Variants in USP37 observed in about 807,000 individuals in gnomAD.
USP37 encodes ubiquitin carboxyl-terminal hydrolase 37.
In USP37, 27 loss-of-function variants were observed where a neutral mutation model predicts 124.0. That is an observed-to-expected ratio of 0.22 (90% CI 0.16 to 0.30). The LOEUF (loss-of-function observed/expected upper bound fraction) is 0.30. Ranked by LOEUF, USP37 falls within the 10% of genes least tolerant of loss-of-function variation. USP37 has a pLI of 1.00. For synonymous variants in USP37, 365 were observed against 388.0 expected (o/e 0.94, Z 0.70); for missense variants, 889 against 1,140.4 (o/e 0.78, Z 3.17).
chr2:218,504,307 C>A (rs1352497371), intron 11 of USP37, among the ~76,000 whole-genome samples: 2 of 152,068 alleles, frequency 1.3e-5, no homozygotes, highest in Non-Finnish European at 2.9e-5. Flanking sequence ...AATTACTGTT[C>A]TACGTATATT....
intron 8 of USP37, among the ~76,000 whole-genome samples, chr2:218,543,369 G>A (rs959533321): frequency 6.6e-6 from 1 of 151,874 alleles, no homozygotes; most frequent in East Asian, 1.9e-4. Context: ...AGGCATGGTG[G>A]TGCACGCCTG....
intron 20 of USP37, 56 bp from the exon 21 acceptor site, chr2:218,466,232 G>C: frequency 6.5e-7 from 1 of 1,528,760 alleles, no homozygotes; most frequent in Non-Finnish European, 8.8e-7. Context: ...GGAAATTTCT[G>C]AACTAGAGTG....
intron 1 of USP37, among the ~76,000 whole-genome samples, chr2:218,566,055 A>G (rs1461320560): frequency 2.6e-5 from 4 of 152,210 alleles, no homozygotes; most frequent in African/African-American, 9.6e-5. Context: ...ATCTCAAAAA[A>G]TAATAATAAC....
intron 8 of USP37, among the ~76,000 whole-genome samples, chr2:218,541,317 C>T (rs76532869): frequency 0.016 from 2,374 of 152,176 alleles, 63 homozygotes; most frequent in African/African-American, 0.054. Context: ...AAAGGAGTTA[C>T]CATACTGGCA....
At chr2:218,509,624 T>C (rs73074889) in intron 11 of USP37, among the ~76,000 whole-genome samples, 1 of 152,232 alleles carries the variant, frequency 6.6e-6, no homozygotes, top group African/African-American at 2.4e-5. Flanking sequence ...TTACTACAGT[T>C]ATTATACTAT....
chr2:218,489,194 C>T (rs1691766796), intron 14 of USP37, among the ~76,000 whole-genome samples: 1 of 149,516 alleles, frequency 6.7e-6, no homozygotes, highest in Non-Finnish European at 1.5e-5. Context: ...CTTGTCTCTA[C>T]AAAAAATACA....
intron 4 of USP37, among the ~76,000 whole-genome samples, chr2:218,556,142 T>G (rs1263123100): frequency 6.6e-6 from 1 of 152,222 alleles, no homozygotes; most frequent in Non-Finnish European, 1.5e-5. Context: ...ACAAGAAACA[T>G]CAATATCTGG....
intron 10 of USP37, among the ~76,000 whole-genome samples, chr2:218,510,580 C>A (rs1324678199): frequency 6.6e-6 from 1 of 152,158 alleles, no homozygotes; most frequent in African/African-American, 2.4e-5. Flanking sequence ...TATTTTCAAT[C>A]TTCATTTTTA....
chr2:218,458,055 GA>G (rs1186657426), intron 23 of USP37, among the ~76,000 whole-genome samples: 1 of 109,894 alleles, frequency 9.1e-6, no homozygotes, highest in Non-Finnish European at 1.9e-5. Flanking sequence ...AAAAAAAAAA[GA>G]AAAGAAAAGA....
chr2:218,526,720 C>G (rs1690985339), intron 10 of USP37, among the ~76,000 whole-genome samples: 1 of 150,254 alleles, frequency 6.7e-6, no homozygotes, highest in African/African-American at 2.5e-5. Flanking sequence ...TCTTTTCTTC[C>G]AGAATACTGT....
At chr2:218,533,442 G>A (rs936511715) in intron 9 of USP37, among the ~76,000 whole-genome samples, 5 of 152,140 alleles carry the variant, frequency 3.3e-5, no homozygotes, top group South Asian at 2.1e-4. Flanking sequence ...AAACATCTAC[G>A]TTTTGTTCCA....
intron 10 of USP37, among the ~76,000 whole-genome samples, chr2:218,525,884 A>G (rs1038397485): frequency 3.3e-5 from 5 of 152,008 alleles, no homozygotes; most frequent in Admixed American, 6.6e-5. Context: ...GTTCTACTCT[A>G]TATGTCCACG....
At chr2:218,549,584 C>T (rs1692552896) in intron 6 of USP37, among the ~76,000 whole-genome samples, 1 of 151,856 alleles carries the variant, frequency 6.6e-6, no homozygotes, top group South Asian at 2.1e-4. Flanking sequence ...CCTGCCTCGG[C>T]CTCCTGAGTA....
intron 20 of USP37, among the ~76,000 whole-genome samples, chr2:218,468,186 G>A (rs533108532): frequency 6.6e-5 from 10 of 151,722 alleles, no homozygotes; most frequent in Admixed American, 2.0e-4. Flanking sequence ...CACCATACCC[G>A]GCAATTTCAT....
In USP37 at chr2:218,553,657, G is replaced by A; in HGVS notation, c.224C>T (p.Thr75Ile). 1 of 1,614,012 alleles carries A rather than the reference G, an allele frequency of 6.2e-7. No individual in the cohort carries two copies. The highest frequency in any genetic ancestry group is 1.1e-5 in the South Asian group (1 of 91,056). ...AGACAAGAAGCTGTTATCTTGCAGA[G>A]TTAACATTAGGCGGCTTTGTTTCGC... ...SGAKQSRLML[T>I]LQDNSFLSID... Residue 75 changes from threonine (T) to isoleucine (I), a missense_variant, in exon 5 of 26, where the codon ACT (threonine) becomes ATT (isoleucine). Physicochemically the swap from Thr to Ile is moderately conservative, Grantham distance 89. This residue lies in a region of USP37 where 374 missense variants were observed against 386.0 expected (regional missense o/e 0.97). Coordinates refer to ENST00000258399, the MANE Select transcript of USP37 (RefSeq NM_020935.3).
chr2:218,520,324 A>G (rs1234538759), intron 10 of USP37, among the ~76,000 whole-genome samples: 1 of 146,184 alleles, frequency 6.8e-6, no homozygotes, highest in Non-Finnish European at 1.5e-5. Context: ...TACCTGACTC[A>G]TATTTAAACC....
chr2:218,479,572 G>T, intron 18 of USP37, 78 bp downstream of exon 18: 1 of 1,154,932 alleles, frequency 8.7e-7, no homozygotes, highest in Non-Finnish European at 1.3e-6. Flanking sequence ...TAATGAAAAG[G>T]CAGGGAGGCA....
At chr2:218,536,708 T>G (rs1483412687) in intron 8 of USP37, among the ~76,000 whole-genome samples, 3 of 152,210 alleles carry the variant, frequency 2.0e-5, no homozygotes, top group East Asian at 3.8e-4. Flanking sequence ...GTAATTCACA[T>G]GCACACTAAT....
rs559872014 is a variant in USP37 at position 218,519,863 on chromosome 2, A to C, written c.864-9723T>G. 5.8e-4 allele frequency among the ~76,000 whole-genome samples: 88 copies of C among 151,712 alleles called. 2 individuals are homozygous for C. The East Asian group carries it at 0.014, about 24-fold the overall frequency. On this transcript the variant is annotated intron_variant, in intron 10 of 25. Coordinates refer to ENST00000258399, the MANE Select transcript of USP37 (RefSeq NM_020935.3). ...CATGATCCACCCACCTGAGGCTCCC[A>C]AAGTGCTGGGATTACAGGCGTGAGC...
Sources: allele counts gnomAD v4.1 joint callset (sites outside exome capture counted in the v4.1 genomes callset), GRCh38; gene constraint gnomAD v4.1.1; regional missense constraint gnomAD v4.1.1; transcripts MANE v1.5; gene names NCBI Gene and HGNC (gene_info 2026-07-23, HGNC 2026-07-21).